Variants in DIPK1A observed in about 807,000 individuals in gnomAD.
The protein encoded by DIPK1A is family with sequence similarity 69 member A.
In DIPK1A, 27 loss-of-function variants were observed where a neutral mutation model predicts 40.8. The ratio of observed to expected loss-of-function variants is 0.66; its 90% CI spans 0.49 to 0.91. The LOEUF is 0.91. DIPK1A is among the 40% of genes least tolerant of loss of function. The pLI is 0.00. For synonymous variants in DIPK1A, 166 were observed against 171.3 expected (o/e 0.97, Z 0.24); for missense variants, 412 against 505.7 (o/e 0.81, Z 1.78).
At position 92,833,026 on chromosome 1, in the gene DIPK1A, G is replaced by GT. The variant is rs1558283531; in HGVS notation, c.482dup (p.His161GlnfsTer36). The GT allele has an allele frequency of 4.0e-6, 3 of 741,738 alleles. No individual in the cohort carries two copies. In the Admixed American group the frequency reaches 5.4e-5, roughly 13 times the overall value. The allele number at this position is 741,738 out of a possible 1,614,324, so 45.9% of individuals were successfully genotyped here. ...TCGCAAAAGTTTGGCACAATTACCG[G>GT]TGCTGGTCCTTGAAGAAACAAATAT... On this transcript the variant is annotated frameshift_variant, in exon 5 of 5. Transcript: ENST00000615519. LOFTEE classifies it high-confidence loss of function.
At chr1:92,918,587 T>C (rs916430601) in intron 1 of DIPK1A, among the ~76,000 whole-genome samples, 1 of 152,216 alleles carries the variant, frequency 6.6e-6, no homozygotes, top group African/African-American at 2.4e-5. Context: ...AGGTTGTCTC[T>C]TTCTAATTAC....
At chr1:92,932,935 G>A (rs963955840) in intron 1 of DIPK1A, 2 of 152,188 alleles carry the variant, frequency 1.3e-5, no homozygotes, top group African/African-American at 4.8e-5. Flanking sequence ...AAGGGCTTCA[G>A]GAGATAATGA....
intron 1 of DIPK1A, among the ~76,000 whole-genome samples, chr1:92,948,409 T>C (rs566556170): frequency 4.0e-4 from 61 of 152,090 alleles, no homozygotes; most frequent in South Asian, 1.2e-3. Flanking sequence ...ATGTGTCAAC[T>C]AAAAATAATT....
chr1:92,914,030 T>A (rs1218402001), intron 1 of DIPK1A, among the ~76,000 whole-genome samples: 3 of 152,056 alleles, frequency 2.0e-5, no homozygotes, highest in Non-Finnish European at 4.4e-5. Flanking sequence ...GAGAATATAA[T>A]ATACATAGAC....
At chr1:92,952,553 G>C (rs1651674781) in intron 1 of DIPK1A, among the ~76,000 whole-genome samples, 1 of 152,124 alleles carries the variant, frequency 6.6e-6, no homozygotes, top group African/African-American at 2.4e-5. Flanking sequence ...AGGAAGGCTA[G>C]GTTGCAGTGA....
intron 1 of DIPK1A, among the ~76,000 whole-genome samples, chr1:92,899,572 T>G (rs1045151547): frequency 3.9e-5 from 6 of 152,206 alleles, no homozygotes; most frequent in African/African-American, 1.4e-4. Context: ...AGGGGAAAAC[T>G]CGCTTCTTCA....
At chr1:92,926,100 T>C (rs1285089690) in intron 1 of DIPK1A, among the ~76,000 whole-genome samples, 1 of 152,180 alleles carries the variant, frequency 6.6e-6, no homozygotes, top group Non-Finnish European at 1.5e-5. Context: ...TACTTTCTTC[T>C]TTCTTGGGTT....
At chr1:92,845,540 T>TAAA in intron 4 of DIPK1A, 1 of 246,858 alleles carries the variant, frequency 4.1e-6, no homozygotes. Flanking sequence ...CCGTCTCTGC[T>TAAA]GAAAAAAAAA....
rs139263078 is a variant in DIPK1A, at chr1:92,920,412, G to A, written c.54+40964C>T. Among the ~76,000 whole-genome samples, 203 of 152,282 alleles carry A rather than the reference G, an allele frequency of 1.3e-3. 1 individual carries two copies. The highest frequency in any genetic ancestry group is 4.7e-3 in the African/African-American group (196 of 41,550). On this transcript the variant is annotated intron_variant, in intron 1 of 4. Coordinates refer to ENST00000370310, the MANE Select transcript of DIPK1A (RefSeq NM_001006605.5). Reference sequence around the variant, plus strand: ...CCTTTGCCTTCCACCATGATTGTGAGGCTTCTCCAGCCACGTGGAACTGTG... The same window carrying A: ...CCTTTGCCTTCCACCATGATTGTGAAGCTTCTCCAGCCACGTGGAACTGTG...
chr1:92,844,212 T>C lies in DIPK1A; in HGVS notation c.475-17A>G, dbSNP rs1021481769. 7 of 1,504,790 alleles carry C rather than the reference T, an allele frequency of 4.7e-6. No homozygotes were observed. In the African/African-American group the frequency reaches 9.8e-5, roughly 21 times the overall value. 93.2% of individuals were successfully genotyped at this position (1,504,790 alleles called of 1,614,324 possible). A position where few individuals can be genotyped will look rare whatever the true frequency, so the allele number is the denominator to read the frequency against. On this transcript the variant is annotated splice_polypyrimidine_tract_variant and intron_variant, in intron 4 of 4. Transcript: ENST00000370310. ...CAATTTTGCCTGTCAAGAATTTGGC[T>C]AGTTACACAGAAGGAATGAAAAATA...
chr1:92,889,506 G>A (rs1648761625), intron 1 of DIPK1A, among the ~76,000 whole-genome samples: 1 of 151,928 alleles, frequency 6.6e-6, no homozygotes, highest in African/African-American at 2.4e-5. Context: ...ATTAGTTTTA[G>A]GATTGCTTTT....
At chr1:92,912,619 G>C (rs1327292267) in intron 1 of DIPK1A, among the ~76,000 whole-genome samples, 2 of 152,132 alleles carry the variant, frequency 1.3e-5, no homozygotes, top group Non-Finnish European at 2.9e-5. Context: ...TCCAAGGCTT[G>C]ATGAGTCCAA....
chr1:92,957,548 A>G (rs1281516798), intron 1 of DIPK1A, among the ~76,000 whole-genome samples: 1 of 152,198 alleles, frequency 6.6e-6, no homozygotes, highest in East Asian at 1.9e-4. Flanking sequence ...CAGGCAGGTC[A>G]CAAGTCCTTC....
At chr1:92,938,895 C>CT (rs1557493228) in intron 1 of DIPK1A, among the ~76,000 whole-genome samples, 2 of 152,120 alleles carry the variant, frequency 1.3e-5, no homozygotes. Context: ...TGTCAGAATT[C>CT]TTTCTACTTT....
At chr1:92,875,794 A>G (rs1648094527) in intron 2 of DIPK1A, among the ~76,000 whole-genome samples, 1 of 151,858 alleles carries the variant, frequency 6.6e-6, no homozygotes, top group Non-Finnish European at 1.5e-5. Context: ...TTTTTAAAAT[A>G]TAAGTCTATA....
At chr1:92,837,305 C>A, downstream of DIPK1A, 1 of 786,560 alleles carries the variant, frequency 1.3e-6, no homozygotes, top group South Asian at 1.4e-5. Context: ...TGATGATATC[C>A]CACTAACTGA....
chr1:92,876,517 GA>G, intron 1 of DIPK1A, 87 bp from the exon 2 acceptor site: 1 of 1,388,454 alleles, frequency 7.2e-7, no homozygotes, highest in East Asian at 2.4e-5. Flanking sequence ...ACCCTTCTTG[GA>G]ACAACTCAAT....
intron 1 of DIPK1A, among the ~76,000 whole-genome samples, chr1:92,883,313 A>G (rs375531160): frequency 6.6e-5 from 10 of 152,254 alleles, no homozygotes; most frequent in African/African-American, 2.2e-4. Flanking sequence ...GGCATTTGCA[A>G]TTGCAGGTAA....
In DIPK1A at chr1:92,930,235, T is replaced by C. The variant is rs145359496; in HGVS notation, c.54+31141A>G. Among the ~76,000 whole-genome samples, 599 of 152,252 alleles carry C rather than the reference T, an allele frequency of 3.9e-3. 4 individuals are homozygous for C. Among genetic ancestry groups the C allele is most frequent in the African/African-American group, 0.014 (575 of 41,550 alleles). On this transcript the variant is annotated intron_variant, in intron 1 of 4. Coordinates refer to ENST00000370310, the MANE Select transcript of DIPK1A (RefSeq NM_001006605.5). Reference sequence around the variant, plus strand: ...TCCCAATTTTAAACACACAGGTCAATTGCAATTCTCTGACTCTCAGAAGCC... The same window carrying C: ...TCCCAATTTTAAACACACAGGTCAACTGCAATTCTCTGACTCTCAGAAGCC...
Sources: allele counts gnomAD v4.1 joint callset (sites outside exome capture counted in the v4.1 genomes callset), GRCh38; gene constraint gnomAD v4.1.1; transcripts MANE v1.5; gene names NCBI Gene and HGNC (gene_info 2026-07-23, HGNC 2026-07-21).